COX11: variants seen among roughly 807,000 people sequenced by gnomAD.
The protein encoded by COX11 is cytochrome c oxidase copper chaperone COX11, also known as cytochrome c oxidase assembly protein COX11, mitochondrial.
COX11 carries 18 observed loss-of-function variants against 29.4 expected under a neutral mutation model. That is an observed-to-expected ratio of 0.61 (90% CI 0.42 to 0.91). The LOEUF (loss-of-function observed/expected upper bound fraction) is 0.91. COX11 is among the 40% of genes least tolerant of loss of function. The pLI is 0.00. For synonymous variants in COX11, 131 were observed against 124.0 expected (o/e 1.06, Z -0.38); for missense variants, 312 against 346.0 (o/e 0.90, Z 0.78).
intron 2 of COX11, 142 bp from the exon 3 acceptor site, chr17:54,963,573 A>C: frequency 1.3e-6 from 1 of 763,850 alleles, no homozygotes; most frequent in Non-Finnish European, 2.0e-6. Context: ...ATAAATTGTG[A>C]ATATTACCCA....
intron 3 of COX11, 82 bp downstream of exon 3, chr17:54,963,224 A>C (rs1250312280): frequency 1.4e-6 from 2 of 1,453,822 alleles, no homozygotes; most frequent in Non-Finnish European, 1.9e-6. Flanking sequence ...AGAAATCACA[A>C]GATCTACTAA....
Position 54,960,721 on chromosome 17 carries a change from G to A in COX11, c.*2012C>T, listed in dbSNP as rs2287136. 263,816 of 941,908 alleles carry A rather than the reference G, an allele frequency of 0.28. 38,862 individuals carry two copies. Among genetic ancestry groups the A allele is most frequent in the African/African-American group, 0.35 (21,412 of 60,642 alleles). The allele number at this position is 941,908 out of a possible 1,614,324, so 58.3% of individuals were successfully genotyped here. A position where few individuals can be genotyped will look rare whatever the true frequency, so the allele number is the denominator to read the frequency against. On this transcript the variant is annotated 3_prime_UTR_variant, in exon 4 of 4. Transcript: ENST00000299335. ...TATTTAGTATTTAAATTTTCTAAGG[G>A]CCATCTGAGTCTGACACTTTGAAAT...
Position 54,968,355 on chromosome 17 carries a change from A to C in COX11, c.292T>G (p.Tyr98Asp). Residue 98 changes from tyrosine (Y) to aspartate (D), a missense_variant, in exon 1 of 4, where the codon TAC becomes GAC. Coordinates refer to ENST00000299335, the MANE Select transcript of COX11 (RefSeq NM_004375.5). ...ATGCCCACGGCGACAGCGGCCACGT[A>C]AGTGAGGGTCGTCTTGTTCTGCCGC... ...RRRQNKTTLTYVAAVAVGMLG... is the reference protein window; with the variant it reads ...RRRQNKTTLTDVAAVAVGMLG... The C allele has an allele frequency of 6.2e-7, 1 of 1,612,952 alleles. No individual in the cohort carries two copies. Among genetic ancestry groups the C allele is most frequent in the Non-Finnish European group, 8.5e-7 (1 of 1,179,934 alleles).
downstream of COX11, among the ~76,000 whole-genome samples, chr17:54,956,044 A>C (rs536235999): frequency 6.6e-6 from 1 of 152,324 alleles, no homozygotes; most frequent in South Asian, 2.1e-4. Flanking sequence ...AGGTCAAGTC[A>C]GGGCTCAACC....
chr17:54,965,124 A>G (rs763022343), intron 1 of COX11, among the ~76,000 whole-genome samples: 3 of 152,214 alleles, frequency 2.0e-5, no homozygotes, highest in Admixed American at 1.3e-4. Flanking sequence ...TCACTAGATA[A>G]GTCAACTATT....
At chr17:54,952,788 TC>T (rs2143992597) in exon 1 of COX11, 1 of 152,350 alleles carries the variant, frequency 6.6e-6, no homozygotes, top group South Asian at 2.1e-4. Flanking sequence ...GTCTGGAACT[TC>T]CCCAGGAACT....
chr17:54,959,585 A>C (rs1162238074), downstream of COX11: 1 of 152,134 alleles, frequency 6.6e-6, no homozygotes, highest in East Asian at 1.9e-4. Flanking sequence ...TCTGGACTGT[A>C]ATCACATAGT....
intron 1 of COX11, among the ~76,000 whole-genome samples, chr17:54,965,129 AC>A (rs2077195913): frequency 6.6e-6 from 1 of 152,240 alleles, no homozygotes; most frequent in Non-Finnish European, 1.5e-5. Flanking sequence ...AGATAAGTCA[AC>A]TATTATCACT....
exon 1 of COX11, chr17:54,954,589 CAAG>C (rs2049397924): frequency 1.3e-5 from 2 of 152,174 alleles, no homozygotes; most frequent in African/African-American, 4.8e-5. Flanking sequence ...GTACCATTTC[CAAG>C]AAGGTGGACT....
chr17:54,952,222 G>C (rs1240851786), exon 1 of COX11: 3 of 152,146 alleles, frequency 2.0e-5, no homozygotes, highest in African/African-American at 4.8e-5. Flanking sequence ...GTAACACTTG[G>C]TATTGCTAAT....
chr17:54,953,081 C>CAA (rs1202101500), exon 1 of COX11: 1 of 152,222 alleles, frequency 6.6e-6, no homozygotes, highest in Admixed American at 6.6e-5. Flanking sequence ...CAGTGTTGAT[C>CAA]AAAAACTCAG....
rs776928633 is a variant in COX11 at position 54,963,431 on chromosome 17, C to G, written c.523G>C (p.Val175Leu). ...GCCAGTGCAGTCTCTCCTGGCACCACCTGTTTTAAAGAATATATATATTAT... is the reference window on the plus strand; with the variant it reads ...GCCAGTGCAGTCTCTCCTGGCACCAGCTGTTTTAAAGAATATATATATTAT... ...NFRPQQTEIY[V>L]VPGETALAFY... Residue 175 changes from valine to leucine, a missense_variant and splice_region_variant, in exon 3 of 4, where the codon GTG becomes CTG. Physicochemically the swap from Val to Leu is conservative, Grantham distance 32. This residue lies in a region of COX11 where 182 missense variants were observed against 240.0 expected (regional missense o/e 0.76). Coordinates refer to ENST00000299335, the MANE Select transcript of COX11 (RefSeq NM_004375.5). 1 of 1,606,688 alleles carries G rather than the reference C, an allele frequency of 6.2e-7. No individual in the cohort carries two copies. Among genetic ancestry groups the G allele is most frequent in the Non-Finnish European group, 8.5e-7 (1 of 1,177,808 alleles).
chr17:54,964,656 C>T, intron 2 of COX11, 41 bp downstream of exon 2: 2 of 1,576,002 alleles, frequency 1.3e-6, no homozygotes, highest in Non-Finnish European at 1.7e-6. Context: ...AAGGAATTTA[C>T]ATTAATAAAG....
chr17:54,961,807 T>C lies in COX11; in HGVS notation c.*926A>G. On this transcript the variant is annotated 3_prime_UTR_variant, in exon 4 of 4. Transcript: ENST00000299335. The stretch of plus-strand genomic sequence containing the variant: ...CTGAACAGGTCACTAGACTCTACAT[T>C]GGGCAGCCTTTAAATATGATTCTTT... 1 of 985,988 alleles carries C rather than the reference T, an allele frequency of 1.0e-6. No homozygotes were observed. Among genetic ancestry groups the C allele is most frequent in the Non-Finnish European group, 1.2e-6 (1 of 829,958 alleles). 61.1% of individuals were successfully genotyped at this position (985,988 alleles called of 1,614,324 possible). A position where few individuals can be genotyped will look rare whatever the true frequency, so the allele number is the denominator to read the frequency against.
rs2077153436 is a variant in COX11, at chr17:54,962,829, T to G, written c.735A>C (p.Glu245Asp). The part of the protein sequence containing the change: ...VFFYIDPEFA[E>D]DPRMIKVDLI... ...GATCAACTTTAATCATTCTTGGATC[T>G]TCAGCAAATTCAGGATCAATGTAGA... The change falls in exon 4 of 4, where the codon GAA (glutamate) becomes GAC (aspartate). Residue 245 changes from glutamate to aspartate, a missense_variant. Transcript: ENST00000299335. 2 of 1,613,046 alleles carry G rather than the reference T, an allele frequency of 1.2e-6. No homozygotes were observed. Among genetic ancestry groups the G allele is most frequent in the African/African-American group, 2.7e-5 (2 of 74,906 alleles).
At position 54,961,282 on chromosome 17, in the gene COX11, C is replaced by G. The variant is rs532424848; in HGVS notation, c.*1451G>C. 2.6e-6 allele frequency: 4 copies of G among 1,551,560 alleles called. No individual in the cohort carries two copies. The East Asian group carries it at 7.3e-5, about 28-fold the overall frequency. ...CTACCACATCAAAGGTGCCAACTCTCTAAAACGTAGACTCTGTGCAGCTTT... is the reference window on the plus strand; with the variant it reads ...CTACCACATCAAAGGTGCCAACTCTGTAAAACGTAGACTCTGTGCAGCTTT... On this transcript the variant is annotated 3_prime_UTR_variant, in exon 4 of 4. Transcript: ENST00000299335.
At chr17:54,954,464 A>C (rs575345512) in exon 1 of COX11, 1 of 152,388 alleles carries the variant, frequency 6.6e-6, no homozygotes, top group East Asian at 1.9e-4. Context: ...CCTGGCAAAG[A>C]AGAGTGCAAC....
rs1313282067 is a variant in COX11 at position 54,961,237 on chromosome 17, G to T, written c.*1496C>A. The T allele has an allele frequency of 2.6e-6, 4 of 1,532,420 alleles. No individual in the cohort carries two copies. The highest frequency in any genetic ancestry group is 3.5e-6 in the Non-Finnish European group (4 of 1,129,520). 94.9% of individuals were successfully genotyped at this position (1,532,420 alleles called of 1,614,324 possible). ...CCATTTTCTTCTCTTTATTTTAGAA[G>T]AAAGTGGATGATCAGCTCACTACCA... On this transcript the variant is annotated 3_prime_UTR_variant, in exon 4 of 4. Transcript: ENST00000299335.
In COX11 at chr17:54,968,570, G is replaced by C; in HGVS notation, c.77C>G (p.Thr26Ser). Residue 26 changes from threonine (T) to serine (S), a missense_variant, in exon 1 of 4, where the codon ACC becomes AGC. Physicochemically the swap from Thr to Ser is moderately conservative, Grantham distance 58. Coordinates refer to ENST00000299335, the MANE Select transcript of COX11 (RefSeq NM_004375.5). ...GWRWIHPGSP[T>S]RAAERVEPFL... ...CGGCTCTACCCTCTCTGCAGCCCTG[G>C]TTGGAGACCCAGGGTGGATCCAGCG... The C allele has an allele frequency of 6.2e-7, 1 of 1,613,024 alleles. No homozygotes were observed. Among genetic ancestry groups the C allele is most frequent in the Non-Finnish European group, 8.5e-7 (1 of 1,179,998 alleles).
Sources: gnomAD v4.1 joint callset for allele counts (sites outside exome capture counted in the v4.1 genomes callset) on GRCh38, gnomAD v4.1.1 for gene constraint, gnomAD v4.1.1 regional missense constraint, MANE v1.5 for transcripts, NCBI Gene and HGNC (gene_info 2026-07-23, HGNC 2026-07-21) for gene names.